FNBP1: variants seen among roughly 807,000 people sequenced by gnomAD.
FNBP1 encodes formin-binding protein 1.
Under a neutral mutation model 90.6 loss-of-function variants are expected in FNBP1, and 26 were observed. The observed-to-expected ratio is 0.29, with a 90% CI of 0.21 to 0.40. The LOEUF (loss-of-function observed/expected upper bound fraction) is 0.40, where lower values mean the gene tolerates loss of function less well. FNBP1 is among the 10% of genes least tolerant of loss of function. The pLI, the probability that FNBP1 is intolerant of heterozygous loss-of-function variation, is 1.00. For synonymous variants in FNBP1, 260 were observed against 265.2 expected, an observed-to-expected ratio of 0.98 and a Z score of 0.19; for missense variants, 635 against 768.0, an observed-to-expected ratio of 0.83 and a Z score of 2.05.
Position 129,900,242 on chromosome 9 carries a change from G to T in FNBP1, c.1551-141C>A. On this transcript the variant is annotated intron_variant, in intron 14 of 16. Coordinates refer to ENST00000446176, the MANE Select transcript of FNBP1 (RefSeq NM_015033.3). This position sits in a 1 kb window ranked among gnomAD's most constrained non-coding sequence, Gnocchi z 4.1. ...CTGAGGCCATGGTAAATCATCGCAC[G>T]CTCAGATCACCCATCCCATGTGGAA... The T allele has an allele frequency of 8.8e-7, 1 of 1,133,774 alleles. No individual in the cohort carries two copies. The highest frequency in any genetic ancestry group is 1.2e-6 in the Non-Finnish European group (1 of 829,144). 70.2% of individuals were successfully genotyped at this position (1,133,774 alleles called of 1,614,324 possible).
intron 2 of FNBP1, among the ~76,000 whole-genome samples, chr9:129,982,146 A>C (rs763631540): frequency 1.3e-5 from 2 of 152,230 alleles, no homozygotes. Context: ...TTATGATCAC[A>C]ATCACTTCTT....
At chr9:129,946,423 A>G (rs1013731255) in intron 6 of FNBP1, among the ~76,000 whole-genome samples, 5 of 152,220 alleles carry the variant, frequency 3.3e-5, no homozygotes, top group Non-Finnish European at 5.9e-5. Context: ...TAAGTTTTAA[A>G]GCATTTCCTC....
rs1422795836 is a variant in FNBP1, at chr9:129,887,259, T to G, written c.*3280A>C. 3 of 188,182 alleles carry G rather than the reference T, an allele frequency of 1.6e-5. No homozygotes were observed. The highest frequency in any genetic ancestry group is 7.0e-5 in the African/African-American group (3 of 42,740). The allele number at this position is 188,182 out of a possible 1,614,324, so 11.7% of individuals were successfully genotyped here. On this transcript the variant is annotated 3_prime_UTR_variant, in exon 17 of 17. Coordinates refer to ENST00000446176, the MANE Select transcript of FNBP1 (RefSeq NM_015033.3). ...GTCAATACAAGCCTCCAGTGGAAGC[T>G]CTTTATTTGGTTTAATTCCATCTCC...
Position 129,984,555 on chromosome 9 carries a change from G to A in FNBP1, c.141-5181C>T, listed in dbSNP as rs538108094. 9.5e-4 allele frequency among the ~76,000 whole-genome samples: 143 copies of A among 150,138 alleles called. 1 individual carries two copies. Among genetic ancestry groups the A allele is most frequent in the African/African-American group, 3.3e-3 (135 of 41,082 alleles). ...GGGCAGGAGCCGGGGCTCACCCCCCGGAGGTCCACTTTCCAGACCTCCAGG... is the reference window on the plus strand; with the variant it reads ...GGGCAGGAGCCGGGGCTCACCCCCCAGAGGTCCACTTTCCAGACCTCCAGG... On this transcript the variant is annotated intron_variant, in intron 2 of 16. Coordinates refer to ENST00000446176, the MANE Select transcript of FNBP1 (RefSeq NM_015033.3).
chr9:130,013,815 G>C, intron 1 of FNBP1: 1 of 447,374 alleles, frequency 2.2e-6, no homozygotes, highest in Non-Finnish European at 4.5e-6. Flanking sequence ...GAGTGGATTA[G>C]TTATTTCAAG....
rs2034889671 is a variant in FNBP1, at chr9:129,888,809, T to C, written c.*1730A>G. ...GGAGCAATTTCCTGGTTTCCACAAGTAAAGACAGCCCCATCCCTTGGGACC... is the reference window on the plus strand; with the variant it reads ...GGAGCAATTTCCTGGTTTCCACAAGCAAAGACAGCCCCATCCCTTGGGACC... On this transcript the variant is annotated 3_prime_UTR_variant, in exon 17 of 17. Transcript: ENST00000446176. 4.3e-6 allele frequency: 1 copy of C among 232,982 alleles called. No individual in the cohort carries two copies. The highest frequency in any genetic ancestry group is 6.0e-5 in the East Asian group (1 of 16,534). 14.4% of individuals were successfully genotyped at this position (232,982 alleles called of 1,614,324 possible).
intron 11 of FNBP1, among the ~76,000 whole-genome samples, chr9:129,911,951 A>C (rs756767584): frequency 1.1e-3 from 165 of 147,308 alleles, no homozygotes; most frequent in Middle Eastern, 3.6e-3. Flanking sequence ...AAAAAAACCC[A>C]AAAACAAACC....
chr9:129,957,556 C>CT lies in FNBP1; in HGVS notation c.409-93dup, dbSNP rs894166034. 24,841 of 876,652 alleles carry CT rather than the reference C, an allele frequency of 0.028. No individual in the cohort carries two copies. The highest frequency in any genetic ancestry group is 0.035 in the East Asian group (1,106 of 31,564). 54.3% of individuals were successfully genotyped at this position (876,652 alleles called of 1,614,324 possible). ...GCTCCCAAAGAGCATTGTTCTTTTT[C>CT]TTTTTTTTTTCTTCAGTCAGGGTCT... On this transcript the variant is annotated intron_variant, in intron 5 of 16. Coordinates refer to ENST00000446176, the MANE Select transcript of FNBP1 (RefSeq NM_015033.3). This position sits in a 1 kb window ranked among gnomAD's most constrained non-coding sequence, Gnocchi z 4.3.
chr9:129,982,826 C>A (rs965223580), intron 2 of FNBP1, among the ~76,000 whole-genome samples: 1 of 152,052 alleles, frequency 6.6e-6, no homozygotes, highest in Admixed American at 6.6e-5. Context: ...CCATGCCCAG[C>A]TCATTTTTAT....
At position 129,912,451 on chromosome 9, in the gene FNBP1, G is replaced by A. The variant is rs371408617; in HGVS notation, c.1186-3452C>T. On this transcript the variant is annotated intron_variant, in intron 11 of 16. Coordinates refer to ENST00000446176, the MANE Select transcript of FNBP1 (RefSeq NM_015033.3). ...TGCCTGTAATCTTGGCACTTTGGGAGGCCGAGGCGGGTGGATCACCTGAGG... is the reference window on the plus strand; with the variant it reads ...TGCCTGTAATCTTGGCACTTTGGGAAGCCGAGGCGGGTGGATCACCTGAGG... Among the ~76,000 whole-genome samples, 13 of 152,264 alleles carry A rather than the reference G, an allele frequency of 8.5e-5. No homozygotes were observed. In the East Asian group the frequency reaches 2.3e-3, roughly 27 times the overall value.
At chr9:130,043,261 T>C (rs185134416), upstream of FNBP1, 27,039 of 257,960 alleles carry the variant, frequency 0.1, 2,496 homozygotes, top group East Asian at 0.4. Flanking sequence ...GCGGGGCCGG[T>C]CTGACAGCTC....
rs181229422 is a variant in FNBP1, at chr9:129,979,765, A to G, written c.141-391T>C. On this transcript the variant is annotated intron_variant, in intron 2 of 16. Transcript: ENST00000446176. ...AGCGATTCTCCTGCCTCAGCCTCCC[A>G]AGTAGCTGGGACTACAGGTGCACGC... Among the ~76,000 whole-genome samples the G allele has an allele frequency of 5.2e-3, 791 of 151,960 alleles. 8 individuals are homozygous for G. Among genetic ancestry groups the G allele is most frequent in the African/African-American group, 0.018 (751 of 41,470 alleles).
At chr9:129,914,791 ATATC>A (rs1365160410) in intron 11 of FNBP1, 4 of 159,548 alleles carry the variant, frequency 2.5e-5, no homozygotes, top group Non-Finnish European at 3.9e-5. Flanking sequence ...ATATATATAT[ATATC>A]TCACCATAAA....
chr9:130,048,431 T>C, the FNBP1 span, among the ~76,000 whole-genome samples: 19 of 150,704 alleles, frequency 1.3e-4, no homozygotes, highest in African/African-American at 4.4e-4. Context: ...TGTATAGTTC[T>C]GTCCAGACAG....
chr9:129,924,098 C>A, intron 9 of FNBP1, 72 bp from the exon 10 acceptor site: 1 of 1,428,778 alleles, frequency 7.0e-7, no homozygotes, highest in Non-Finnish European at 9.2e-7. Context: ...AAATAAGCAT[C>A]AAATAATATT....
chr9:129,919,034 A>G (rs2040700040), intron 10 of FNBP1: 2 of 255,230 alleles, frequency 7.8e-6, no homozygotes, highest in South Asian at 3.9e-5. Context: ...AGTTCTCTCA[A>G]TTAAGAATTT....
intron 6 of FNBP1, among the ~76,000 whole-genome samples, chr9:129,938,345 T>G (rs2043810608): frequency 6.6e-6 from 1 of 152,178 alleles, no homozygotes; most frequent in Non-Finnish European, 1.5e-5. Flanking sequence ...ATTTCAAGAC[T>G]AAGAATGCAT....
intron 6 of FNBP1, among the ~76,000 whole-genome samples, chr9:129,941,158 G>A (rs2132328144): frequency 6.6e-6 from 1 of 152,134 alleles, no homozygotes; most frequent in Admixed American, 6.5e-5. Flanking sequence ...GGAGGCTGAG[G>A]CGGGCAGATC....
Position 129,990,668 on chromosome 9 carries a change from T to G in FNBP1, c.140+4175A>C, listed in dbSNP as rs369899840. ...ACTGGAATTTTGAACAGAGGAATAC[T>G]GTAATCTGGCTGCTCTGTAGAAATC... On this transcript the variant is annotated intron_variant, in intron 2 of 16. Transcript: ENST00000446176. Among the ~76,000 whole-genome samples the G allele has an allele frequency of 3.9e-5, 6 of 152,306 alleles. No individual in the cohort carries two copies. The East Asian group carries it at 9.6e-4, about 24-fold the overall frequency.
Sources: gnomAD v4.1 joint callset for allele counts (sites outside exome capture counted in the v4.1 genomes callset) on GRCh38, gnomAD v4.1.1 for gene constraint, Gnocchi (gnomAD v3.1) non-coding constraint, MANE v1.5 for transcripts, NCBI Gene and HGNC (gene_info 2026-07-23, HGNC 2026-07-21) for gene names.